Variants in PDE11A observed in about 807,000 individuals in gnomAD.
PDE11A encodes the protein phosphodiesterase 11A, also known as dual 3',5'-cyclic-AMP and -GMP phosphodiesterase 11A.
In PDE11A, 100 loss-of-function variants were observed where a neutral mutation model predicts 100.5. The ratio of observed to expected loss-of-function variants is 1.00; its 90% CI spans 0.85 to 1.18. PDE11A has a LOEUF of 1.18. Ranked by LOEUF, PDE11A falls within the 50% of genes most tolerant of loss-of-function variation. The pLI, the probability that PDE11A is intolerant of heterozygous loss-of-function variation, is 0.00. For synonymous variants in PDE11A, 381 were observed against 420.8 expected, an observed-to-expected ratio of 0.91 and a Z score of 1.16; for missense variants, 1,141 against 1,152.6, an observed-to-expected ratio of 0.99 and a Z score of 0.15.
intron 5 of PDE11A, among the ~76,000 whole-genome samples, chr2:177,859,786 T>C (rs1300747815): frequency 6.6e-6 from 1 of 151,438 alleles, no homozygotes; most frequent in Non-Finnish European, 1.5e-5. Context: ...AAACACAATG[T>C]GATAGAATTA....
intron 2 of PDE11A, among the ~76,000 whole-genome samples, chr2:177,996,689 T>A (rs1270502281): frequency 6.6e-6 from 1 of 152,202 alleles, no homozygotes; most frequent in Non-Finnish European, 1.5e-5. Context: ...TATGCTTTTA[T>A]GACACTAGAC....
At chr2:178,042,553 C>T (rs1319550214) in intron 1 of PDE11A, among the ~76,000 whole-genome samples, 1 of 151,848 alleles carries the variant, frequency 6.6e-6, no homozygotes, top group Non-Finnish European at 1.5e-5. Context: ...AAGATCTAAC[C>T]TGGAACTTTC....
intron 2 of PDE11A, among the ~76,000 whole-genome samples, chr2:177,931,615 C>T (rs547325276): frequency 6.2e-4 from 95 of 152,092 alleles, no homozygotes; most frequent in African/African-American, 2.2e-3. Context: ...AAAACAGAGA[C>T]GAACATACCC....
At chr2:177,777,421 A>G (rs2082393119) in intron 9 of PDE11A, among the ~76,000 whole-genome samples, 1 of 152,210 alleles carries the variant, frequency 6.6e-6, no homozygotes, top group African/African-American at 2.4e-5. Context: ...TGTTTTATAT[A>G]CATAAATAAT....
intron 2 of PDE11A, among the ~76,000 whole-genome samples, chr2:177,914,368 T>G (rs931536287): frequency 2.0e-5 from 3 of 152,162 alleles, no homozygotes; most frequent in Non-Finnish European, 4.4e-5. Flanking sequence ...TTGTCTAAGA[T>G]GAATAATATT....
At chr2:177,717,839 T>C (rs905024664) in intron 12 of PDE11A, among the ~76,000 whole-genome samples, 6 of 152,226 alleles carry the variant, frequency 3.9e-5, no homozygotes, top group African/African-American at 1.4e-4. Flanking sequence ...GACTACCCAG[T>C]AATTTCTATC....
At chr2:177,923,985 A>C (rs1443856562) in intron 2 of PDE11A, among the ~76,000 whole-genome samples, 1 of 152,204 alleles carries the variant, frequency 6.6e-6, no homozygotes, top group Non-Finnish European at 1.5e-5. Context: ...TAATGTATAA[A>C]AATGTCATAT....
chr2:177,822,538 T>G (rs549949719), intron 6 of PDE11A, among the ~76,000 whole-genome samples: 1 of 152,180 alleles, frequency 6.6e-6, no homozygotes, highest in African/African-American at 2.4e-5. Flanking sequence ...ATCCTCCAAC[T>G]TTTTCCTTCT....
intron 2 of PDE11A, among the ~76,000 whole-genome samples, chr2:178,097,058 T>C (rs555676478): frequency 6.6e-6 from 1 of 152,246 alleles, no homozygotes; most frequent in East Asian, 1.9e-4. Context: ...GACTAATTTT[T>C]TGTATTTTTA....
chr2:177,953,113 G>A (rs1458787335), intron 2 of PDE11A: 3 of 152,114 alleles, frequency 2.0e-5, no homozygotes, highest in East Asian at 1.9e-4. Flanking sequence ...ATGAACTCAG[G>A]TGTAGAAATT....
chr2:178,056,807 G>T (rs1216688214), intron 1 of PDE11A, among the ~76,000 whole-genome samples: 7 of 152,056 alleles, frequency 4.6e-5, no homozygotes, highest in Non-Finnish European at 7.4e-5. Flanking sequence ...ATATCAGTTT[G>T]ATAGTAAGGT....
intron 2 of PDE11A, among the ~76,000 whole-genome samples, chr2:177,982,078 T>G (rs2085890131): frequency 6.6e-6 from 1 of 151,068 alleles, no homozygotes; most frequent in South Asian, 2.1e-4. Context: ...GCTAATCGTC[T>G]AACAACTTCA....
At chr2:177,945,822 G>T (rs2085412757) in intron 2 of PDE11A, among the ~76,000 whole-genome samples, 1 of 105,982 alleles carries the variant, frequency 9.4e-6, no homozygotes, top group African/African-American at 2.7e-5. Context: ...ATCCGGGAGG[G>T]AGGTGGGGGG....
chr2:178,014,779 T>C (rs1447135655), intron 1 of PDE11A, among the ~76,000 whole-genome samples: 1 of 152,116 alleles, frequency 6.6e-6, no homozygotes, highest in Non-Finnish European at 1.5e-5. Flanking sequence ...AAAGACAGGA[T>C]ATGAAATGTC....
intron 9 of PDE11A, among the ~76,000 whole-genome samples, chr2:177,778,453 A>G (rs1260000201): frequency 8.5e-5 from 13 of 152,218 alleles, no homozygotes. Context: ...GAGGATCCAG[A>G]CTGAGTGTCT....
At chr2:177,922,626 A>G (rs2085068975) in intron 2 of PDE11A, 6 of 920,688 alleles carry the variant, frequency 6.5e-6, no homozygotes, top group Non-Finnish European at 7.8e-6. Flanking sequence ...GGCTAATTTT[A>G]CCTGTTAGTT....
chr2:177,849,402 G>A (rs948380868), intron 5 of PDE11A, among the ~76,000 whole-genome samples: 14 of 152,152 alleles, frequency 9.2e-5, no homozygotes, highest in African/African-American at 2.7e-4. Context: ...CAAAACTATA[G>A]CATGAGTAAA....
At chr2:178,012,590 TA>T (rs2105826111) in intron 2 of PDE11A, among the ~76,000 whole-genome samples, 1 of 152,268 alleles carries the variant, frequency 6.6e-6, no homozygotes, top group Non-Finnish European at 1.5e-5. Flanking sequence ...TTAATAGAAC[TA>T]AACATTGATG....
At chr2:177,661,007 C>G (rs2080478133) in intron 19 of PDE11A, among the ~76,000 whole-genome samples, 1 of 152,278 alleles carries the variant, frequency 6.6e-6, no homozygotes, top group African/African-American at 2.4e-5. Context: ...TCAACTCCCA[C>G]CCTCTGTAGA....
Sources: gnomAD v4.1 joint callset for allele counts (sites outside exome capture counted in the v4.1 genomes callset) on GRCh38, gnomAD v4.1.1 for gene constraint, MANE v1.5 for transcripts, NCBI Gene and HGNC (gene_info 2026-07-23, HGNC 2026-07-21) for gene names.